GNE: variants seen among roughly 807,000 people sequenced by gnomAD.
The protein encoded by GNE is glucosamine (UDP-N-acetyl)-2-epimerase/N-acetylmannosamine kinase.
GNE carries 41 observed loss-of-function variants against 61.8 expected under a neutral mutation model. That is an observed-to-expected ratio of 0.66 (90% CI 0.52 to 0.86). The LOEUF is 0.86. GNE is among the 40% of genes least tolerant of loss of function. The pLI, the probability that GNE is intolerant of heterozygous loss-of-function variation, is 0.00. For synonymous variants in GNE, 264 were observed against 326.4 expected, an observed-to-expected ratio of 0.81 and a Z score of 2.06; for missense variants, 608 against 909.1, an observed-to-expected ratio of 0.67 and a Z score of 4.26.
upstream of GNE, among the ~76,000 whole-genome samples, chr9:36,260,892 A>C (rs1239806785): frequency 5.3e-5 from 8 of 150,954 alleles, no homozygotes; most frequent in African/African-American, 1.7e-4. Flanking sequence ...AAAAAAAAAA[A>C]AAAAAAAACC....
Position 36,217,215 on chromosome 9 carries a change from A to T in GNE, c.*150T>A. On this transcript the variant is annotated 3_prime_UTR_variant, in exon 12 of 12. Coordinates refer to ENST00000642385, the MANE Select transcript of GNE (RefSeq NM_005476.7). ...TAGGAGTGGGGAAAGGTGACTCTGG[A>T]AGAGGAGACCAAAAGTGAAAACATT... The T allele has an allele frequency of 1.4e-6, 1 of 691,550 alleles. No individual in the cohort carries two copies. The allele number at this position is 691,550 out of a possible 1,614,324, so 42.8% of individuals were successfully genotyped here.
Position 36,217,660 on chromosome 9 carries a change from GAGGA to G in GNE, c.1934-64_1934-61del, listed in dbSNP as rs1452007016. Reference sequence around the variant, plus strand: ...GAGAAGCCAAAATCAAAATACCAAAGAGGAAGGCAGAAAAGAGCCAGCAGCAGAA... The same window carrying G: ...GAGAAGCCAAAATCAAAATACCAAAGAGGCAGAAAAGAGCCAGCAGCAGAA... On this transcript the variant is annotated intron_variant, in intron 11 of 11. Transcript: ENST00000642385. The G allele has an allele frequency of 5.8e-6, 6 of 1,038,190 alleles. No individual in the cohort carries two copies. The African/African-American group carries it at 9.5e-5, about 16-fold the overall frequency. The allele number at this position is 1,038,190 out of a possible 1,614,324, so 64.3% of individuals were successfully genotyped here. A position where few individuals can be genotyped will look rare whatever the true frequency, so the allele number is the denominator to read the frequency against.
intron 3 of GNE, among the ~76,000 whole-genome samples, chr9:36,241,589 CT>C (rs1829631568): frequency 6.6e-6 from 1 of 152,186 alleles, no homozygotes; most frequent in Non-Finnish European, 1.5e-5. Flanking sequence ...TATTACCAGT[CT>C]TTGTATCTAT....
chr9:36,234,079 T>A lies in GNE; in HGVS notation c.823A>T (p.Asn275Tyr). 6.2e-7 allele frequency: 1 copy of A among 1,614,196 alleles called. No homozygotes were observed. The highest frequency in any genetic ancestry group is 1.1e-5 in the South Asian group (1 of 91,084). The part of the protein sequence containing the change: ...MRKKGIEHHP[N>Y]FRAVKHVPFD... ...GGGACGTGTTTAACTGCACGAAAGT[T>A]GGGATGATGCTCAATGCCCTTCTTC... Residue 275 changes from asparagine (N) to tyrosine (Y), a missense_variant, in exon 5 of 12, where the codon AAC becomes TAC. Transcript: ENST00000642385.
At chr9:36,270,142 T>C (rs1227927932) in intron 1 of GNE, among the ~76,000 whole-genome samples, 2 of 152,026 alleles carry the variant, frequency 1.3e-5, no homozygotes, top group African/African-American at 2.4e-5. Flanking sequence ...ATCAAAACTT[T>C]TGTAGAGACA....
At position 36,246,027 on chromosome 9, in the gene GNE, G is replaced by T. The variant is rs772904234; in HGVS notation, c.616+4C>A. 3.1e-6 allele frequency: 5 copies of T among 1,609,614 alleles called. No individual in the cohort carries two copies. The East Asian group carries it at 1.1e-4, about 36-fold the overall frequency. The stretch of plus-strand genomic sequence containing the variant: ...TTAGACTGACTAAAGTCTGAGATAC[G>T]TACCTAGCCACATGCGAATGATGCT... On this transcript the variant is annotated splice_donor_region_variant and intron_variant, in intron 3 of 11. Coordinates refer to ENST00000642385, the MANE Select transcript of GNE (RefSeq NM_005476.7).
intron 1 of GNE, among the ~76,000 whole-genome samples, chr9:36,264,692 G>A (rs1830711329): frequency 6.6e-6 from 1 of 152,120 alleles, no homozygotes; most frequent in Non-Finnish European, 1.5e-5. Context: ...GAAGGTGACC[G>A]CATCCACCTT....
At chr9:36,267,530 C>G (rs1210034440) in intron 1 of GNE, among the ~76,000 whole-genome samples, 1 of 151,990 alleles carries the variant, frequency 6.6e-6, no homozygotes, top group African/African-American at 2.4e-5. Context: ...AACCCCATCT[C>G]TACTAAAATA....
intron 4 of GNE, 132 bp downstream of exon 4, chr9:36,236,700 A>C: frequency 1.2e-6 from 1 of 820,680 alleles, no homozygotes; most frequent in South Asian, 1.4e-5. Flanking sequence ...TCCTTTGAAA[A>C]TTGGAATGCA....
chr9:36,217,715 A>C, intron 11 of GNE, 115 bp from the exon 12 acceptor site: 1 of 720,304 alleles, frequency 1.4e-6, no homozygotes, highest in Non-Finnish European at 2.5e-6. Context: ...CACGGCATGC[A>C]GTGGGAGGCA....
intron 1 of GNE, among the ~76,000 whole-genome samples, chr9:36,269,660 C>CTTT: frequency 1.1e-5 from 1 of 92,130 alleles, no homozygotes; most frequent in African/African-American, 4.6e-5. Context: ...TTTCTTTCTT[C>CTTT]TTTCTTTTTT....
chr9:36,264,017 T>TAGC (rs1399379212), intron 1 of GNE, among the ~76,000 whole-genome samples: 4 of 152,172 alleles, frequency 2.6e-5, no homozygotes, highest in Non-Finnish European at 5.9e-5. Context: ...CTGTGAGAGG[T>TAGC]AGCACAGGGA....
At chr9:36,276,177 C>T (rs529120610) in intron 1 of GNE, among the ~76,000 whole-genome samples, 1 of 93,794 alleles carries the variant, frequency 1.1e-5, no homozygotes, top group South Asian at 2.8e-4. Context: ...TGTCTTTAAA[C>T]ACACACACAC....
chr9:36,265,244 G>A, intron 1 of GNE: 1 of 389,552 alleles, frequency 2.6e-6, no homozygotes, highest in Non-Finnish European at 5.2e-6. Context: ...TTCCAATAGA[G>A]CTATAACATT....
At position 36,253,175 on chromosome 9, in the gene GNE, A is replaced by G. The variant is rs1285786689; in HGVS notation, c.-42-3778T>C. Among the ~76,000 whole-genome samples the G allele has an allele frequency of 3.3e-5, 5 of 152,038 alleles. No individual in the cohort carries two copies. The East Asian group carries it at 9.6e-4, about 29-fold the overall frequency. Reference sequence around the variant, plus strand: ...AGTCTCTATCTAAATATATATATATATGATGTGTATATATATGATGTATGT... The same window carrying G: ...AGTCTCTATCTAAATATATATATATGTGATGTGTATATATATGATGTATGT... On this transcript the variant is annotated intron_variant, in intron 1 of 11. Transcript: ENST00000642385.
chr9:36,272,928 A>T (rs1248420783), intron 1 of GNE, among the ~76,000 whole-genome samples: 1 of 148,486 alleles, frequency 6.7e-6, no homozygotes, highest in Non-Finnish European at 1.5e-5. Context: ...AAAAAAAAAA[A>T]AAAAAAAAAA....
At chr9:36,267,164 T>C (rs1028313423) in intron 1 of GNE, among the ~76,000 whole-genome samples, 2 of 152,216 alleles carry the variant, frequency 1.3e-5, no homozygotes, top group African/African-American at 4.8e-5. Flanking sequence ...TACTTACAAA[T>C]GTACTGATTA....
intron 1 of GNE, among the ~76,000 whole-genome samples, chr9:36,254,944 T>G (rs979948578): frequency 1.3e-5 from 2 of 152,038 alleles, no homozygotes; most frequent in Non-Finnish European, 2.9e-5. Context: ...AAGAGTGAGA[T>G]TCCATCTCAA....
At chr9:36,261,304 A>G (rs1366449703), upstream of GNE, among the ~76,000 whole-genome samples, 1 of 152,160 alleles carries the variant, frequency 6.6e-6, no homozygotes, top group African/African-American at 2.4e-5. Context: ...CACTCCTGTA[A>G]TCCCAGCACT....
Sources: gnomAD v4.1 joint callset for allele counts (sites outside exome capture counted in the v4.1 genomes callset) on GRCh38, gnomAD v4.1.1 for gene constraint, MANE v1.5 for transcripts, NCBI Gene and HGNC (gene_info 2026-07-23, HGNC 2026-07-21) for gene names.